The following STRBP variants were observed in gnomAD, a reference collection of about 807,000 sequenced individuals.
STRBP encodes the protein spermatid perinuclear RNA-binding protein.
In STRBP, 13 loss-of-function variants were observed where a neutral mutation model predicts 80.1. That is an observed-to-expected ratio of 0.16 (90% CI 0.11 to 0.26). The LOEUF is 0.26. STRBP is among the 10% of genes least tolerant of loss of function. The probability of loss-of-function intolerance (pLI) is 1.00; values close to 1 mark genes in which losing one functional copy is unlikely to be tolerated. For missense variants in STRBP, 485 were observed against 815.2 expected (o/e 0.59, Z 4.93); for synonymous variants, 284 against 291.2 (o/e 0.98, Z 0.25).
intron 1 of STRBP, among the ~76,000 whole-genome samples, chr9:123,245,041 A>G (rs1290987296): frequency 1.3e-5 from 2 of 152,230 alleles, no homozygotes; most frequent in African/African-American, 2.4e-5. Flanking sequence ...TGAGTGAAAA[A>G]GCCAAGCTGA....
chr9:123,190,317 GTA>G (rs2038876505), intron 2 of STRBP, among the ~76,000 whole-genome samples: 1 of 149,686 alleles, frequency 6.7e-6, no homozygotes, highest in South Asian at 2.1e-4. Flanking sequence ...ACTAAGGAAA[GTA>G]AGAGCAAATA....
chr9:123,177,434 A>G (rs539425652), intron 4 of STRBP, among the ~76,000 whole-genome samples: 1 of 152,224 alleles, frequency 6.6e-6, no homozygotes, highest in East Asian at 1.9e-4. Flanking sequence ...TTAGCCAGGC[A>G]TGATGGCACA....
downstream of STRBP, among the ~76,000 whole-genome samples, chr9:123,120,749 T>C (rs2035720658): frequency 6.6e-6 from 1 of 152,172 alleles, no homozygotes; most frequent in Non-Finnish European, 1.5e-5. Flanking sequence ...TATGAATTCA[T>C]TTCATTACGT....
chr9:123,199,769 A>G (rs2039244214), intron 2 of STRBP, among the ~76,000 whole-genome samples: 1 of 152,190 alleles, frequency 6.6e-6, no homozygotes, highest in South Asian at 2.1e-4. Flanking sequence ...ATCAAATCTA[A>G]GAGTCTTTAT....
intron 18 of STRBP, 98 bp downstream of exon 18, chr9:123,128,109 AATCTGAG>A: frequency 7.2e-7 from 1 of 1,394,304 alleles, no homozygotes; most frequent in African/African-American, 1.4e-5. Context: ...AGAATGAATA[AATCTGAG>A]ATCCTCCAAT....
At chr9:123,134,544 T>C (rs1205607637) in intron 16 of STRBP, among the ~76,000 whole-genome samples, 1 of 152,114 alleles carries the variant, frequency 6.6e-6, no homozygotes, top group African/African-American at 2.4e-5. Context: ...GTCAAGCACA[T>C]TGAACACATG....
chr9:123,252,763 A>G (rs1234621569), intron 1 of STRBP, among the ~76,000 whole-genome samples: 1 of 152,178 alleles, frequency 6.6e-6, no homozygotes, highest in Non-Finnish European at 1.5e-5. Context: ...TCTTTGTCCA[A>G]AGTAGCCAGA....
intron 12 of STRBP, 118 bp from the exon 13 acceptor site, chr9:123,147,172 C>CA (rs1255795303): frequency 6.1e-6 from 4 of 660,992 alleles, no homozygotes; most frequent in Non-Finnish European, 1.0e-5. Context: ...ATGAGGATTT[C>CA]AAAACACACA....
intron 2 of STRBP, among the ~76,000 whole-genome samples, chr9:123,196,767 A>G (rs2039106274): frequency 1.3e-5 from 2 of 152,192 alleles, no homozygotes; most frequent in South Asian, 4.1e-4. Flanking sequence ...AGAAAAGGAA[A>G]CCCTTGTATA....
chr9:123,196,148 G>C (rs1047990979), intron 2 of STRBP, among the ~76,000 whole-genome samples: 1 of 152,150 alleles, frequency 6.6e-6, no homozygotes, highest in Admixed American at 6.6e-5. Context: ...TCAATAAATG[G>C]TGCTGGGAAA....
intron 6 of STRBP, among the ~76,000 whole-genome samples, chr9:123,162,508 A>G (rs567353473): frequency 1.3e-5 from 2 of 152,322 alleles, no homozygotes; most frequent in African/African-American, 4.8e-5. Context: ...ATGAGCCACC[A>G]CACCCAGCCA....
At chr9:123,228,001 C>T (rs1378870339) in intron 2 of STRBP, among the ~76,000 whole-genome samples, 1 of 152,126 alleles carries the variant, frequency 6.6e-6, no homozygotes, top group Non-Finnish European at 1.5e-5. Flanking sequence ...GTAATGGCAA[C>T]GGCAGAGATG....
intron 1 of STRBP, among the ~76,000 whole-genome samples, chr9:123,243,781 A>G (rs1456537234): frequency 6.6e-6 from 1 of 152,228 alleles, no homozygotes; most frequent in African/African-American, 2.4e-5. Flanking sequence ...GAATTACTAC[A>G]TAAGTATCGG....
chr9:123,116,132 C>T (rs377002302), intron 2 of STRBP: 2 of 455,834 alleles, frequency 4.4e-6, no homozygotes, highest in Admixed American at 4.7e-5. Flanking sequence ...AAAGCTGAGA[C>T]TTCCGAGAAG....
intron 2 of STRBP, chr9:123,212,442 G>A (rs2039745339): frequency 6.6e-6 from 1 of 152,144 alleles, no homozygotes; most frequent in Non-Finnish European, 1.5e-5. Flanking sequence ...TTAGCTGCAA[G>A]GTTTTAAACT....
Position 123,192,964 on chromosome 9 carries a change from C to T in STRBP, c.-164-8666G>A, listed in dbSNP as rs183438113. ...GCTCCAGTCAACACGGGAATAATGA[C>T]TCTATGCCAGAACACCTTGCAATGT... is the stretch of plus-strand genomic sequence containing the variant. On this transcript the variant is annotated intron_variant, in intron 2 of 18. Transcript: ENST00000348403. Among the ~76,000 whole-genome samples, 193 of 152,278 alleles carry T rather than the reference C, an allele frequency of 1.3e-3. No homozygotes were observed. The Middle Eastern group carries it at 0.014, about 11-fold the overall frequency.
chr9:123,122,458 G>T lies in STRBP; in HGVS notation c.*3139C>A, dbSNP rs199768089. 8.9e-7 allele frequency: 1 copy of T among 1,125,088 alleles called. No homozygotes were observed. Among genetic ancestry groups the T allele is most frequent in the Non-Finnish European group, 1.1e-6 (1 of 911,800 alleles). 69.7% of individuals were successfully genotyped at this position (1,125,088 alleles called of 1,614,324 possible). On this transcript the variant is annotated 3_prime_UTR_variant, in exon 19 of 19. Coordinates refer to ENST00000348403, the MANE Select transcript of STRBP (RefSeq NM_018387.5). ...CCAAAATTAAAAAAAAAAAAAAAAAGAAAAGGCCAATACCAGCAAAATCTC... is the reference window on the plus strand; with the variant it reads ...CCAAAATTAAAAAAAAAAAAAAAAATAAAAGGCCAATACCAGCAAAATCTC...
At chr9:123,255,546 T>C (rs565638789) in intron 1 of STRBP, among the ~76,000 whole-genome samples, 9 of 152,296 alleles carry the variant, frequency 5.9e-5, no homozygotes, top group African/African-American at 2.2e-4. Flanking sequence ...TGAGAATACA[T>C]AGTGTTTTTA....
At chr9:123,137,388 T>C (rs2036401268) in intron 14 of STRBP, among the ~76,000 whole-genome samples, 2 of 151,704 alleles carry the variant, frequency 1.3e-5, no homozygotes, top group Admixed American at 1.3e-4. Flanking sequence ...TGTCCAAAAG[T>C]GTTAATTTTG....
Sources: allele counts gnomAD v4.1 joint callset (sites outside exome capture counted in the v4.1 genomes callset), GRCh38; gene constraint gnomAD v4.1.1; transcripts MANE v1.5; gene names NCBI Gene and HGNC (gene_info 2026-07-23, HGNC 2026-07-21).